The following RPN2 variants were observed in gnomAD, a reference collection of about 807,000 sequenced individuals.
RPN2 encodes the protein ribophorin II.
In RPN2, 29 loss-of-function variants were observed where a neutral mutation model predicts 71.4. The observed-to-expected ratio is 0.41, with a 90% CI of 0.30 to 0.55. RPN2 has a LOEUF of 0.55. Ranked by LOEUF, RPN2 falls within the 20% of genes least tolerant of loss-of-function variation. The pLI is 0.35. For synonymous variants in RPN2, 308 were observed against 305.0 expected (o/e 1.01, Z -0.10); for missense variants, 726 against 774.1 (o/e 0.94, Z 0.74).
intron 2 of RPN2, among the ~76,000 whole-genome samples, chr20:37,192,769 T>A (rs2067171405): frequency 6.6e-6 from 1 of 152,172 alleles, no homozygotes; most frequent in African/African-American, 2.4e-5. Context: ...GGGGATTTTA[T>A]AGGGGTAGAA....
chr20:37,198,411 C>T lies in RPN2; in HGVS notation c.222C>T (p.Tyr74=), dbSNP rs747808080. The change falls in exon 3 of 17, where the codon TAC becomes TAT. Residue 74 remains tyrosine, a synonymous_variant. Coordinates refer to ENST00000237530, the MANE Select transcript of RPN2 (RefSeq NM_002951.5). ...CCACTGTGTAGAAAGCATGTACCTACATCAGATCTAACCTTGATCCCAGCA... is the reference window on the plus strand; with the variant it reads ...CCACTGTGTAGAAAGCATGTACCTATATCAGATCTAACCTTGATCCCAGCA... The part of the protein sequence containing the change: ...QVPDAKKACT[Y]IRSNLDPSNV... 29 of 1,614,248 alleles carry T rather than the reference C, an allele frequency of 1.8e-5. No individual in the cohort carries two copies. The highest frequency in any genetic ancestry group is 1.6e-4 in the Middle Eastern group (1 of 6,062).
chr20:37,219,747 G>A (rs891387280), intron 9 of RPN2, among the ~76,000 whole-genome samples: 4 of 152,152 alleles, frequency 2.6e-5, no homozygotes, highest in Admixed American at 2.6e-4. Context: ...TTTTGTGTAT[G>A]GTGTGATGTA....
In RPN2 at chr20:37,198,385, C is replaced by T. The variant is rs2067301548; in HGVS notation, c.208-12C>T. On this transcript the variant is annotated splice_polypyrimidine_tract_variant and intron_variant, in intron 2 of 16. Transcript: ENST00000237530. ...TGTCACCACTTAACATTGACTTTTC[C>T]CCACTGTGTAGAAAGCATGTACCTA... The T allele has an allele frequency of 1.9e-6, 3 of 1,614,196 alleles. No individual in the cohort carries two copies. Among genetic ancestry groups the T allele is most frequent in the Non-Finnish European group, 2.5e-6 (3 of 1,180,030 alleles).
At chr20:37,222,517 C>G (rs918945623) in intron 9 of RPN2, among the ~76,000 whole-genome samples, 5 of 152,104 alleles carry the variant, frequency 3.3e-5, no homozygotes, top group Non-Finnish European at 7.4e-5. Flanking sequence ...TGATAGGTAT[C>G]TTTATTTTTA....
At chr20:37,221,081 G>GAT (rs1242254206) in intron 9 of RPN2, among the ~76,000 whole-genome samples, 1 of 152,182 alleles carries the variant, frequency 6.6e-6, no homozygotes, top group East Asian at 1.9e-4. Flanking sequence ...TGATTAGCTG[G>GAT]CCTTGGTGGC....
At chr20:37,234,383 C>G (rs1455515689) in intron 15 of RPN2, among the ~76,000 whole-genome samples, 1 of 152,212 alleles carries the variant, frequency 6.6e-6, no homozygotes, top group South Asian at 2.1e-4. Flanking sequence ...ACTCACTTAT[C>G]GTATCTTTAC....
At chr20:37,207,127 T>TACGAATGCAAA in intron 6 of RPN2, 146 bp from the exon 7 acceptor site, 1 of 681,568 alleles carries the variant, frequency 1.5e-6, no homozygotes, top group East Asian at 2.6e-5. Flanking sequence ...TATTTGCGTT[T>TACGAATGCAAA]TCTCCATCTA....
chr20:37,217,304 T>TTATTC (rs564725876), intron 9 of RPN2, among the ~76,000 whole-genome samples: 14 of 144,144 alleles, frequency 9.7e-5, no homozygotes, highest in African/African-American at 3.0e-4. Context: ...TATTATTCTT[T>TTATTC]TTTTTTTGAA....
chr20:37,202,421 G>T (rs2067412691), intron 4 of RPN2, among the ~76,000 whole-genome samples: 1 of 152,152 alleles, frequency 6.6e-6, no homozygotes, highest in South Asian at 2.1e-4. Flanking sequence ...GACATAAGCA[G>T]ACAGATTCTT....
At chr20:37,186,065 C>T (rs998038522) in intron 2 of RPN2, among the ~76,000 whole-genome samples, 5 of 152,214 alleles carry the variant, frequency 3.3e-5, no homozygotes, top group African/African-American at 1.2e-4. Context: ...TCTCACATGG[C>T]CCCTCCACCT....
At chr20:37,210,799 T>C (rs1212013116) in intron 8 of RPN2, among the ~76,000 whole-genome samples, 5 of 152,100 alleles carry the variant, frequency 3.3e-5, no homozygotes, top group African/African-American at 1.2e-4. Context: ...CCCTAAGTGC[T>C]GAGGTTACAG....
chr20:37,201,733 CTTATA>C (rs2067395701), intron 4 of RPN2, among the ~76,000 whole-genome samples: 1 of 152,028 alleles, frequency 6.6e-6, no homozygotes, highest in Non-Finnish European at 1.5e-5. Flanking sequence ...GGTAGGTTGC[CTTATA>C]TTACTACTAA....
At chr20:37,187,501 C>CAAAAAAAAA (rs532495023) in intron 2 of RPN2, among the ~76,000 whole-genome samples, 1 of 8,732 alleles carries the variant, frequency 1.1e-4, no homozygotes, top group African/African-American at 7.5e-4. Flanking sequence ...GACTCCGTCT[C>CAAAAAAAAA]AAAAAAAAAA....
chr20:37,231,723 G>C (rs3067011), intron 13 of RPN2, among the ~76,000 whole-genome samples: 3 of 61,260 alleles, frequency 4.9e-5, no homozygotes, highest in African/African-American at 1.3e-4. Flanking sequence ...TTAAAAAAAA[G>C]AAAAAGAAAT....
intron 16 of RPN2, 43 bp from the exon 17 acceptor site, chr20:37,241,260 T>C (rs772281138): frequency 2.5e-6 from 4 of 1,610,538 alleles, no homozygotes; most frequent in Non-Finnish European, 1.7e-6. Flanking sequence ...AACTGTGAAC[T>C]GAAACCTTCA....
chr20:37,216,647 A>T (rs566941768), intron 9 of RPN2, among the ~76,000 whole-genome samples: 1 of 151,864 alleles, frequency 6.6e-6, no homozygotes, highest in Non-Finnish European at 1.5e-5. Flanking sequence ...TTTTTAGTAG[A>T]TACAGGGTTT....
At chr20:37,208,723 C>T (rs73291792) in intron 7 of RPN2, among the ~76,000 whole-genome samples, 4,232 of 152,290 alleles carry the variant, frequency 0.028, 72 homozygotes, top group Middle Eastern at 0.041. Context: ...CTTGAATATG[C>T]TTAGAACTTT....
intron 1 of RPN2, among the ~76,000 whole-genome samples, chr20:37,183,601 C>T (rs1414728845): frequency 1.3e-5 from 2 of 152,200 alleles, no homozygotes; most frequent in Non-Finnish European, 2.9e-5. Flanking sequence ...GCCAAGGGCA[C>T]ATTGCTAATA....
At chr20:37,188,061 G>A (rs1321503862) in intron 2 of RPN2, among the ~76,000 whole-genome samples, 6 of 151,906 alleles carry the variant, frequency 3.9e-5, no homozygotes, top group African/African-American at 1.2e-4. Flanking sequence ...AATTTCTCAC[G>A]GTATATCTTG....
Sources: gnomAD v4.1 joint callset for allele counts (sites outside exome capture counted in the v4.1 genomes callset) on GRCh38, gnomAD v4.1.1 for gene constraint, MANE v1.5 for transcripts, NCBI Gene and HGNC (gene_info 2026-07-23, HGNC 2026-07-21) for gene names.